Variants in RNF6 observed in about 807,000 individuals in gnomAD.
RNF6 encodes E3 ubiquitin-protein ligase RNF6.
RNF6 carries 21 observed loss-of-function variants against 50.1 expected under a neutral mutation model. The ratio of observed to expected loss-of-function variants is 0.42; its 90% CI spans 0.30 to 0.60. The LOEUF is 0.60. Among genes scored for constraint, RNF6 ranks in the 20% least tolerant of loss-of-function variants. The pLI, the probability that RNF6 is intolerant of heterozygous loss-of-function variation, is 0.20. For synonymous variants in RNF6, 255 were observed against 291.8 expected (o/e 0.87, Z 1.29); for missense variants, 698 against 838.2 (o/e 0.83, Z 2.07).
chr13:26,147,544 T>A (rs1052908583), intron 5 of RNF6, among the ~76,000 whole-genome samples: 2 of 152,188 alleles, frequency 1.3e-5, no homozygotes, highest in Non-Finnish European at 2.9e-5. Flanking sequence ...GTAGACAGGC[T>A]GCTTTCACTG....
intron 3 of RNF6, 65 bp downstream of exon 3, chr13:26,219,392 T>G: frequency 7.7e-7 from 1 of 1,299,304 alleles, no homozygotes; most frequent in Non-Finnish European, 1.1e-6. Flanking sequence ...CCAATTCTCC[T>G]TATCTTGAAA....
intron 5 of RNF6, among the ~76,000 whole-genome samples, chr13:26,206,680 T>C (rs764721722): frequency 2.0e-5 from 3 of 152,306 alleles, no homozygotes; most frequent in Middle Eastern, 3.4e-3. Flanking sequence ...CAAACAAGCT[T>C]TTAATGTAGA....
At chr13:26,219,172 A>C (rs1870209578) in intron 3 of RNF6, 1 of 236,142 alleles carries the variant, frequency 4.2e-6, no homozygotes, top group African/African-American at 2.2e-5. Flanking sequence ...TAAAAATTAC[A>C]AATAGGACCA....
At chr13:26,189,618 A>T (rs1201373647) in intron 5 of RNF6, among the ~76,000 whole-genome samples, 1 of 152,218 alleles carries the variant, frequency 6.6e-6, no homozygotes, top group Admixed American at 6.5e-5. Context: ...TACAGAATCC[A>T]GAGGGGTAGA....
chr13:26,166,314 C>T (rs1452473333), intron 5 of RNF6, among the ~76,000 whole-genome samples: 3 of 152,118 alleles, frequency 2.0e-5, no homozygotes, highest in African/African-American at 7.2e-5. Flanking sequence ...ATGTCTTTAT[C>T]AGCAGTGTAA....
At chr13:26,203,742 A>G (rs1462503642) in intron 5 of RNF6, among the ~76,000 whole-genome samples, 1 of 152,178 alleles carries the variant, frequency 6.6e-6, no homozygotes, top group African/African-American at 2.4e-5. Context: ...CGGGCAGATC[A>G]CGAGCTCAGG....
intron 5 of RNF6, among the ~76,000 whole-genome samples, chr13:26,154,490 C>A (rs1194701701): frequency 5.3e-5 from 8 of 152,126 alleles, no homozygotes; most frequent in African/African-American, 1.9e-4. Context: ...AGAGTACCAT[C>A]TTTTATTTCA....
intron 5 of RNF6, chr13:26,145,045 T>C (rs1206276666): frequency 6.6e-6 from 1 of 152,214 alleles, no homozygotes; most frequent in Non-Finnish European, 1.5e-5. Flanking sequence ...GATATACTCC[T>C]GAAGTAGAAC....
At chr13:26,186,512 G>C (rs1306694244) in intron 5 of RNF6, among the ~76,000 whole-genome samples, 5 of 152,212 alleles carry the variant, frequency 3.3e-5, no homozygotes, top group South Asian at 2.1e-4. Flanking sequence ...TTCGGAGCAG[G>C]TCTGTTAGGG....
chr13:26,173,944 C>T (rs755563273), intron 5 of RNF6, among the ~76,000 whole-genome samples: 120 of 93,900 alleles, frequency 1.3e-3, no homozygotes, highest in Non-Finnish European at 2.1e-3. Context: ...AGCGAGACTC[C>T]GTCTCAAAAA....
chr13:26,178,639 T>TGTGG (rs1873085075), intron 5 of RNF6, among the ~76,000 whole-genome samples: 1 of 142,720 alleles, frequency 7.0e-6, no homozygotes, highest in African/African-American at 2.8e-5. Context: ...TGTGTGTGTG[T>TGTGG]GTGGTGAGAA....
At chr13:26,155,059 C>T (rs962754325) in intron 5 of RNF6, among the ~76,000 whole-genome samples, 1 of 151,278 alleles carries the variant, frequency 6.6e-6, no homozygotes, top group Non-Finnish European at 1.5e-5. Context: ...AAAAAAACTC[C>T]TAATCAACCT....
At chr13:26,137,270 T>C (rs951696992) in intron 5 of RNF6, among the ~76,000 whole-genome samples, 4 of 152,116 alleles carry the variant, frequency 2.6e-5, no homozygotes, top group Admixed American at 6.6e-5. Flanking sequence ...AGGTGATGGA[T>C]AGCAATTGGG....
chr13:26,162,614 G>A (rs1237353519), intron 5 of RNF6, among the ~76,000 whole-genome samples: 1 of 152,200 alleles, frequency 6.6e-6, no homozygotes, highest in Non-Finnish European at 1.5e-5. Flanking sequence ...CTCAATGGAT[G>A]AGAATACTAT....
chr13:26,191,729 C>T (rs1350813151), intron 5 of RNF6, among the ~76,000 whole-genome samples: 3 of 152,210 alleles, frequency 2.0e-5, no homozygotes, highest in African/African-American at 7.2e-5. Flanking sequence ...GTCAAATAAA[C>T]CTCTTTATAA....
At chr13:26,145,346 A>T (rs1438289918) in intron 5 of RNF6, among the ~76,000 whole-genome samples, 1 of 147,818 alleles carries the variant, frequency 6.8e-6, no homozygotes, top group Non-Finnish European at 1.5e-5. Context: ...CAAGTCCTTG[A>T]TGGGTGATCT....
intron 5 of RNF6, among the ~76,000 whole-genome samples, chr13:26,172,700 T>C (rs1166220401): frequency 1.3e-5 from 2 of 152,124 alleles, no homozygotes; most frequent in Admixed American, 6.6e-5. Flanking sequence ...CCCGCCACCA[T>C]GCCCGGCTAA....
chr13:26,165,835 G>A (rs1005283415), intron 5 of RNF6, among the ~76,000 whole-genome samples: 11 of 152,280 alleles, frequency 7.2e-5, no homozygotes, highest in Admixed American at 2.0e-4. Flanking sequence ...TGATTTTACT[G>A]GCTCGTAGGC....
intron 2 of RNF6, among the ~76,000 whole-genome samples, chr13:26,220,804 C>A (rs1232762663): frequency 6.6e-6 from 1 of 152,210 alleles, no homozygotes; most frequent in Non-Finnish European, 1.5e-5. Flanking sequence ...AGTGAAGCAA[C>A]TGTGCAACTC....
Sources: gnomAD v4.1 joint callset for allele counts (sites outside exome capture counted in the v4.1 genomes callset) on GRCh38, gnomAD v4.1.1 for gene constraint, MANE v1.5 for transcripts, NCBI Gene and HGNC (gene_info 2026-07-23, HGNC 2026-07-21) for gene names.